The following EMP2 variants were observed in gnomAD, a reference collection of about 807,000 sequenced individuals.
EMP2 encodes the protein epithelial membrane protein 2.
EMP2 carries 19 observed loss-of-function variants against 13.7 expected under a neutral mutation model. That is an observed-to-expected ratio of 1.38 (90% CI 0.97 to 2.03). The LOEUF (loss-of-function observed/expected upper bound fraction) is 2.03, where lower values mean the gene tolerates loss of function less well. Among genes scored for constraint, EMP2 ranks in the 30% most tolerant of loss-of-function variants. The probability of loss-of-function intolerance (pLI) is 0.00; values close to 1 mark genes in which losing one functional copy is unlikely to be tolerated. For synonymous variants in EMP2, 97 were observed against 84.7 expected (o/e 1.15, Z -0.80); for missense variants, 253 against 220.7 (o/e 1.15, Z -0.93).
chr16:10,568,125 C>G (rs2050921619), intron 1 of EMP2, among the ~76,000 whole-genome samples: 1 of 152,178 alleles, frequency 6.6e-6, no homozygotes. Context: ...AAAAATCAGG[C>G]TGCAGGAAGT....
chr16:10,543,302 C>T (rs747292944), intron 3 of EMP2, among the ~76,000 whole-genome samples: 19 of 152,268 alleles, frequency 1.2e-4, no homozygotes, highest in Admixed American at 2.6e-4. Context: ...ACGGGAAACT[C>T]GGCTGTGCCA....
chr16:10,537,162 A>C (rs8053240), intron 4 of EMP2, among the ~76,000 whole-genome samples: 58,974 of 152,114 alleles, frequency 0.39, 12,963 homozygotes, highest in African/African-American at 0.6. Flanking sequence ...CCTAGAAGGG[A>C]CTTCTGTATT....
intron 4 of EMP2, among the ~76,000 whole-genome samples, chr16:10,534,581 C>T (rs2050633002): frequency 6.6e-6 from 1 of 152,090 alleles, no homozygotes; most frequent in African/African-American, 2.4e-5. Context: ...GCCTGGCCAA[C>T]ATAGCAAAAC....
chr16:10,572,582 A>C (rs1468081102), intron 1 of EMP2, among the ~76,000 whole-genome samples: 1 of 152,210 alleles, frequency 6.6e-6, no homozygotes, highest in Non-Finnish European at 1.5e-5. Context: ...AATAAATATT[A>C]GAATGAACAC....
At chr16:10,541,524 A>G (rs2050698782) in intron 3 of EMP2, among the ~76,000 whole-genome samples, 1 of 152,200 alleles carries the variant, frequency 6.6e-6, no homozygotes, top group African/African-American at 2.4e-5. Flanking sequence ...CCTGTTTTAA[A>G]GAAAAATAAG....
chr16:10,539,286 C>T (rs567810450), intron 3 of EMP2, among the ~76,000 whole-genome samples: 1 of 152,176 alleles, frequency 6.6e-6, no homozygotes, highest in South Asian at 2.1e-4. Context: ...GCAGTTTTGC[C>T]TGAAAACTCA....
At chr16:10,541,419 G>C (rs1219890342) in intron 3 of EMP2, among the ~76,000 whole-genome samples, 1 of 152,182 alleles carries the variant, frequency 6.6e-6, no homozygotes, top group Admixed American at 6.5e-5. Context: ...GTGTGTGTGT[G>C]TGTAAACAAC....
chr16:10,534,291 A>G (rs73502056), intron 4 of EMP2, among the ~76,000 whole-genome samples: 3,445 of 152,276 alleles, frequency 0.023, 113 homozygotes, highest in African/African-American at 0.076. Flanking sequence ...AACACTAAAG[A>G]TGACAGAATA....
intron 1 of EMP2, among the ~76,000 whole-genome samples, chr16:10,569,653 T>C (rs893752022): frequency 6.6e-6 from 1 of 152,168 alleles, no homozygotes; most frequent in Non-Finnish European, 1.5e-5. Context: ...ACGCTGTAAA[T>C]GGAAAATCAG....
rs1399153875 is a variant in EMP2 at position 10,532,141 on chromosome 16, T to A, written c.*764A>T. 3.2e-5 allele frequency: 5 copies of A among 154,656 alleles called. No individual in the cohort carries two copies. The highest frequency in any genetic ancestry group is 7.2e-5 in the African/African-American group (3 of 41,470). 9.6% of individuals were successfully genotyped at this position (154,656 alleles called of 1,614,324 possible). ...TCTGAAGCGTTGCCCAGGGAGCGCG[T>A]TAGAAATGCAGATTCCCTGGCCCCA... On this transcript the variant is annotated 3_prime_UTR_variant, in exon 5 of 5. Transcript: ENST00000359543.
Position 10,530,791 on chromosome 16 carries a change from C to T in EMP2, c.*2114G>A, listed in dbSNP as rs2050593326. On this transcript the variant is annotated 3_prime_UTR_variant, in exon 5 of 5. Transcript: ENST00000359543. ...CTCTCACCGCATTTACTGTCGGGAC[C>T]ATGGGCCCCTCCACAGACATGTTTT... 6.6e-6 allele frequency: 1 copy of T among 152,214 alleles called. No individual in the cohort carries two copies. The highest frequency in any genetic ancestry group is 2.1e-4 in the South Asian group (1 of 4,826). The allele number at this position is 152,214 out of a possible 1,614,324, so 9.4% of individuals were successfully genotyped here.
intron 1 of EMP2, among the ~76,000 whole-genome samples, chr16:10,570,383 A>T (rs1306672835): frequency 1.3e-5 from 2 of 151,798 alleles, no homozygotes; most frequent in Non-Finnish European, 2.9e-5. Context: ...ACACCACCAC[A>T]CCCAGCTAAT....
intron 4 of EMP2, among the ~76,000 whole-genome samples, chr16:10,535,383 A>G (rs1316432945): frequency 6.6e-6 from 1 of 152,148 alleles, no homozygotes; most frequent in African/African-American, 2.4e-5. Context: ...TATTAGGGTA[A>G]TCAATTTTGA....
At chr16:10,575,880 C>T (rs912778346) in intron 1 of EMP2, among the ~76,000 whole-genome samples, 4 of 152,006 alleles carry the variant, frequency 2.6e-5, no homozygotes, top group African/African-American at 4.8e-5. Flanking sequence ...TGAAGCTGAA[C>T]ATAGGGGCCT....
chr16:10,574,024 A>G (rs1228213915), intron 1 of EMP2, among the ~76,000 whole-genome samples: 1 of 123,300 alleles, frequency 8.1e-6, no homozygotes, highest in African/African-American at 3.2e-5. Context: ...TGCCACCCCC[A>G]TCTCCTGGGT....
chr16:10,547,532 A>G lies in EMP2; in HGVS notation c.78+8T>C, dbSNP rs746240814. 20 of 1,613,886 alleles carry G rather than the reference A, an allele frequency of 1.2e-5. No individual in the cohort carries two copies. The highest frequency in any genetic ancestry group is 1.6e-5 in the Non-Finnish European group (19 of 1,180,018). ...GTTTCTGCGTGAGTGGCAGGAAAGG[A>G]AACTTACATTGTCGACGGTGGCAAT... is the stretch of plus-strand genomic sequence containing the variant. On this transcript the variant is annotated splice_region_variant and intron_variant, in intron 2 of 4. Transcript: ENST00000359543.
chr16:10,571,946 G>A (rs1445296038), intron 1 of EMP2, among the ~76,000 whole-genome samples: 1 of 152,178 alleles, frequency 6.6e-6, no homozygotes, highest in Admixed American at 6.5e-5. Context: ...TCTAGGCCCT[G>A]GGCTTTAGGG....
intron 1 of EMP2, among the ~76,000 whole-genome samples, chr16:10,547,969 G>A (rs1435721554): frequency 6.6e-6 from 1 of 152,196 alleles, no homozygotes; most frequent in East Asian, 1.9e-4. Context: ...GGGAGGTTGA[G>A]GACGCAGTGA....
intron 1 of EMP2, among the ~76,000 whole-genome samples, chr16:10,565,239 T>C (rs1192419880): frequency 6.6e-6 from 1 of 152,222 alleles, no homozygotes; most frequent in Non-Finnish European, 1.5e-5. Flanking sequence ...TCTCAGATAG[T>C]TCACTTAATG....
Sources: allele counts gnomAD v4.1 joint callset (sites outside exome capture counted in the v4.1 genomes callset), GRCh38; gene constraint gnomAD v4.1.1; transcripts MANE v1.5; gene names NCBI Gene and HGNC (gene_info 2026-07-23, HGNC 2026-07-21).